The following DLGAP1 variants were observed in gnomAD, a reference collection of about 807,000 sequenced individuals.
The protein encoded by DLGAP1 is disks large-associated protein 1.
DLGAP1 carries 11 observed loss-of-function variants against 90.8 expected under a neutral mutation model. That is an observed-to-expected ratio of 0.12 (90% confidence interval 0.08 to 0.20). DLGAP1 has a LOEUF of 0.20. Among genes scored for constraint, DLGAP1 ranks in the 10% least tolerant of loss-of-function variants. DLGAP1 has a pLI of 1.00. For synonymous variants in DLGAP1, 558 were observed against 540.7 expected, an observed-to-expected ratio of 1.03 and a Z score of -0.44; for missense variants, 1,050 against 1,333.8, an observed-to-expected ratio of 0.79 and a Z score of 3.31.
chr18:3,551,162 T>A (rs757940413), intron 9 of DLGAP1, among the ~76,000 whole-genome samples: 4,420 of 19,846 alleles, frequency 0.22, 98 homozygotes, highest in Middle Eastern at 0.53. Flanking sequence ...TATATACATA[T>A]ATATATATAT....
chr18:4,294,857 T>G (rs993727732), intron 1 of DLGAP1: 1 of 152,124 alleles, frequency 6.6e-6, no homozygotes, highest in Non-Finnish European at 1.5e-5. Context: ...GGGGATGGAG[T>G]GGGAAGATCA....
intron 9 of DLGAP1, among the ~76,000 whole-genome samples, chr18:3,558,225 T>C (rs1350596302): frequency 2.0e-5 from 3 of 152,068 alleles, no homozygotes; most frequent in Admixed American, 2.0e-4. Flanking sequence ...AGAACTCATG[T>C]ATTTTGTAGT....
At chr18:3,698,788 T>C (rs1443601818) in intron 7 of DLGAP1, among the ~76,000 whole-genome samples, 2 of 152,192 alleles carry the variant, frequency 1.3e-5, no homozygotes, top group Non-Finnish European at 2.9e-5. Context: ...CAATCAAACA[T>C]AAGTTTGGTC....
chr18:3,758,109 GAA>G (rs1318845697), intron 5 of DLGAP1, among the ~76,000 whole-genome samples: 7 of 72,028 alleles, frequency 9.7e-5, no homozygotes, highest in African/African-American at 2.4e-4. Context: ...TCTATCTTGA[GAA>G]AAAAAAAAAA....
chr18:4,137,621 A>G (rs1360680365), intron 2 of DLGAP1, among the ~76,000 whole-genome samples: 1 of 151,982 alleles, frequency 6.6e-6, no homozygotes, highest in Non-Finnish European at 1.5e-5. Context: ...GTCTTTTGTG[A>G]TTTCATATAA....
chr18:3,978,824 T>G (rs2073658466), intron 3 of DLGAP1, among the ~76,000 whole-genome samples: 1 of 152,202 alleles, frequency 6.6e-6, no homozygotes, highest in Non-Finnish European at 1.5e-5. Context: ...TGGAATTTAC[T>G]ATGTTGTATA....
intron 1 of DLGAP1, among the ~76,000 whole-genome samples, chr18:4,268,000 A>G (rs2079169038): frequency 1.3e-5 from 2 of 152,216 alleles, no homozygotes; most frequent in Admixed American, 1.3e-4. Context: ...GAAATTCCGG[A>G]CAAGATCACA....
chr18:3,680,743 C>T (rs1318288004), intron 7 of DLGAP1, among the ~76,000 whole-genome samples: 6 of 149,034 alleles, frequency 4.0e-5, no homozygotes, highest in African/African-American at 1.2e-4. Context: ...AAGCCGAGAT[C>T]GCGCCACTGC....
intron 5 of DLGAP1, among the ~76,000 whole-genome samples, chr18:3,765,471 C>A (rs1222826622): frequency 6.6e-6 from 1 of 150,966 alleles, no homozygotes; most frequent in Non-Finnish European, 1.5e-5. Flanking sequence ...TTCATTTAAA[C>A]TGGTAAAAAT....
At chr18:3,929,168 T>A (rs2148925959) in intron 3 of DLGAP1, among the ~76,000 whole-genome samples, 1 of 152,328 alleles carries the variant, frequency 6.6e-6, no homozygotes, top group Admixed American at 6.5e-5. Flanking sequence ...TTTATATCAA[T>A]GTGAGAATAG....
intron 4 of DLGAP1, among the ~76,000 whole-genome samples, chr18:3,862,571 T>C (rs2070140368): frequency 1.3e-5 from 2 of 152,104 alleles, no homozygotes; most frequent in Non-Finnish European, 2.9e-5. Context: ...CAGCGCCAGG[T>C]GGGTGGGAAG....
intron 1 of DLGAP1, among the ~76,000 whole-genome samples, chr18:4,308,191 G>A (rs1340639474): frequency 6.6e-6 from 1 of 152,134 alleles, no homozygotes; most frequent in Admixed American, 6.5e-5. Context: ...TTGGTGACTG[G>A]GTGACCCAAA....
At chr18:4,240,938 C>T (rs1284541693) in intron 1 of DLGAP1, among the ~76,000 whole-genome samples, 3 of 152,154 alleles carry the variant, frequency 2.0e-5, no homozygotes, top group Non-Finnish European at 2.9e-5. Context: ...AAGATGTGCC[C>T]GCTCTTTCAT....
At chr18:3,741,017 TCACCAC>T (rs1304279132) in intron 6 of DLGAP1, among the ~76,000 whole-genome samples, 1 of 36,164 alleles carries the variant, frequency 2.8e-5, no homozygotes, top group East Asian at 1.1e-3. Context: ...ACCACCACCA[TCACCAC>T]CACCACCACC....
rs530943614 is a variant in DLGAP1, at chr18:4,261,346, C to G, written c.-266-110059G>C. ...CCAGTGACCTGGCTTCCCCCATCCT[C>G]TAGCCCTGCTCCTCTGCTCCCACTT... is the stretch of plus-strand genomic sequence containing the variant. On this transcript the variant is annotated intron_variant, in intron 1 of 12. Transcript: ENST00000315677. Among the ~76,000 whole-genome samples the G allele has an allele frequency of 3.3e-5, 5 of 152,314 alleles. No homozygotes were observed. The East Asian group carries it at 9.7e-4, about 29-fold the overall frequency.
chr18:3,938,257 C>G (rs532028869), intron 3 of DLGAP1, among the ~76,000 whole-genome samples: 6 of 152,254 alleles, frequency 3.9e-5, no homozygotes, highest in African/African-American at 1.2e-4. Context: ...GAACATGAAA[C>G]AGAAGAATGC....
chr18:4,170,059 G>A (rs1309223989), intron 1 of DLGAP1, among the ~76,000 whole-genome samples: 1 of 152,122 alleles, frequency 6.6e-6, no homozygotes, highest in Non-Finnish European at 1.5e-5. Flanking sequence ...GACACATGAT[G>A]ATGGAAGGTT....
At chr18:3,512,881 A>AC (rs2050624114) in intron 10 of DLGAP1, among the ~76,000 whole-genome samples, 1 of 152,162 alleles carries the variant, frequency 6.6e-6, no homozygotes, top group South Asian at 2.1e-4. Context: ...TGGTAAGAAC[A>AC]CTTAACATGA....
intron 2 of DLGAP1, among the ~76,000 whole-genome samples, chr18:4,103,180 T>C (rs922227438): frequency 1.3e-5 from 2 of 152,200 alleles, no homozygotes; most frequent in Non-Finnish European, 2.9e-5. Flanking sequence ...CTCTTTTAGA[T>C]ACATTTTTAG....
Sources: allele counts gnomAD v4.1 joint callset (sites outside exome capture counted in the v4.1 genomes callset), GRCh38; gene constraint gnomAD v4.1.1; transcripts MANE v1.5; gene names NCBI Gene and HGNC (gene_info 2026-07-23, HGNC 2026-07-21).